Variants in TCEAL4 observed in about 807,000 individuals in gnomAD.
The protein encoded by TCEAL4 is transcription elongation factor A like 4.
A neutral mutation model predicts 1.3 loss-of-function variants in TCEAL4; 1 was observed. The observed-to-expected ratio is 0.79, with a 90% CI of 0.28 to 3.76. The LOEUF (loss-of-function observed/expected upper bound fraction) is 3.76. TCEAL4 is among the 30% of genes most tolerant of loss of function. The pLI is 0.18. For missense variants in TCEAL4, 129 were observed against 154.7 expected (o/e 0.83, Z 0.88); for synonymous variants, 54 against 50.7 (o/e 1.06, Z -0.28).
chrX:103,585,166 T>C (rs1411112044), upstream of TCEAL4, among the ~76,000 whole-genome samples: 2 of 111,996 alleles, frequency 1.8e-5, no homozygotes, highest in Non-Finnish European at 3.8e-5. Flanking sequence ...TTTCATTTAT[T>C]TTGGAAAATT....
upstream of TCEAL4, among the ~76,000 whole-genome samples, chrX:103,585,327 T>TAA (rs201628331): frequency 2.8e-4 from 30 of 105,288 alleles, no homozygotes; most frequent in Non-Finnish European, 3.7e-4. Flanking sequence ...CCCAACTCAT[T>TAA]AAAAAAAAAA....
At chrX:103,577,234 T>C in intron 2 of TCEAL4, 1 of 1,156,129 alleles carries the variant, frequency 8.6e-7, no homozygotes, top group South Asian at 1.9e-5. Flanking sequence ...GGATGCAATA[T>C]GCATATAGAT....
At chrX:103,583,300 G>C (rs749359434), upstream of TCEAL4, among the ~76,000 whole-genome samples, 5 of 112,224 alleles carry the variant, frequency 4.5e-5, no homozygotes, top group African/African-American at 1.6e-4. Flanking sequence ...GTGGAAGACT[G>C]TGGCGATTCC....
upstream of TCEAL4, among the ~76,000 whole-genome samples, chrX:103,584,074 C>T (rs990678702): frequency 9.1e-6 from 1 of 109,655 alleles, no homozygotes; most frequent in Non-Finnish European, 1.9e-5. Context: ...ATTACAGGCG[C>T]CCACCACCAC....
Position 103,577,151 on chromosome X carries a change from A to G in TCEAL4, c.121A>G (p.Lys41Glu), listed in dbSNP as rs776672062. The G allele has an allele frequency of 9.4e-6, 11 of 1,167,359 alleles. No homozygotes were observed. In the South Asian group the frequency reaches 1.7e-4, roughly 18 times the overall value. The change falls in exon 2 of 5, where the codon AAA becomes GAA. Residue 41 changes from lysine to glutamate, a missense_variant. Coordinates refer to the TCEAL4 transcript ENST00000372629. ...CCACATCTGTCAATGCGAAGAATGG[A>G]AAGGTCACATATCATATGTGGAGCG...
At chrX:103,579,074 C>A (rs1018179295) in intron 2 of TCEAL4, among the ~76,000 whole-genome samples, 1 of 112,003 alleles carries the variant, frequency 8.9e-6, no homozygotes, top group Non-Finnish European at 1.9e-5. Context: ...TGTCTCAGCA[C>A]CATTTGTTAA....
upstream of TCEAL4, among the ~76,000 whole-genome samples, chrX:103,584,525 C>A (rs142633340): frequency 7.9e-3 from 889 of 112,069 alleles, 11 homozygotes; most frequent in African/African-American, 0.027. Context: ...CGCACCACCA[C>A]GAAATTGCCT....
chrX:103,585,048 G>A (rs936065525), upstream of TCEAL4, among the ~76,000 whole-genome samples: 1 of 112,766 alleles, frequency 8.9e-6, no homozygotes, highest in Non-Finnish European at 1.9e-5. Context: ...TGTATATTCA[G>A]TTTCTCACTT....
exon 1 of TCEAL4, chrX:103,576,367 G>A: frequency 9.9e-7 from 1 of 1,011,248 alleles, no homozygotes; most frequent in Non-Finnish European, 1.4e-6. Context: ...ATTAAGGTTA[G>A]TATTGCTGCA....
rs751672952 is a variant in TCEAL4, at chrX:103,586,879, G to A, written c.204G>A (p.Glu68=). ...MLKDKGKPES[E]GEAKEGKSER... is the part of the protein sequence containing the mutation. ...AGGATAAAGGAAAGCCAGAGAGTGA[G>A]GGAGAGGCAAAAGAAGGAAAGTCAG... The change falls in exon 3 of 3, where the codon GAG becomes GAA. Residue 68 remains glutamate (E), a synonymous_variant. Transcript: ENST00000472484. 1.6e-5 allele frequency: 19 copies of A among 1,194,412 alleles called. No homozygotes were observed. The highest frequency in any genetic ancestry group is 1.2e-4 in the African/African-American group (7 of 56,398).
chrX:103,586,688 T>C lies in TCEAL4; in HGVS notation c.13T>C (p.Tyr5His), dbSNP rs1268829208. 8.3e-7 allele frequency: 1 copy of C among 1,210,288 alleles called. No individual in the cohort carries two copies. The highest frequency in any genetic ancestry group is 1.7e-5 in the African/African-American group (1 of 57,493). MEKL[Y>H]SENEGMASNQ... is the part of the protein sequence containing the mutation. ...GGGAAATCTCGACATGGAAAAACTC[T>C]ACAGTGAAAATGAAGGAATGGCTTC... The change falls in exon 3 of 3, where the codon TAC becomes CAC. Residue 5 changes from tyrosine (Y) to histidine (H), a missense_variant. Tyr to His is a moderately conservative substitution (Grantham distance 83). This residue lies in a region of TCEAL4 where 116 missense variants were observed against 120.3 expected (regional missense o/e 0.96). Coordinates refer to ENST00000472484, the MANE Select transcript of TCEAL4 (RefSeq NM_001006935.3).
intron 1 of TCEAL4, 132 bp downstream of exon 1, chrX:103,585,756 T>TG (rs1315640188): frequency 8.8e-7 from 1 of 1,142,848 alleles, no homozygotes; most frequent in Non-Finnish European, 1.2e-6. Context: ...TGGACAGAGA[T>TG]GGCGGTGGGA....
At position 103,586,198 on chromosome X, in the gene TCEAL4, CT is replaced by C; in HGVS notation, c.-100-20del. ...CCCGCTGAGCGCGCAGACCCTGCCCCTGTCTCCTGTCTGTCTGCAGGTCTGC... is the reference window on the plus strand; with the variant it reads ...CCCGCTGAGCGCGCAGACCCTGCCCCGTCTCCTGTCTGTCTGCAGGTCTGC... On this transcript the variant is annotated intron_variant, in intron 1 of 2. Transcript: ENST00000472484. 2 of 1,165,724 alleles carry C rather than the reference CT, an allele frequency of 1.7e-6. No homozygotes were observed. The highest frequency in any genetic ancestry group is 1.1e-6 in the Non-Finnish European group (1 of 872,809).
upstream of TCEAL4, among the ~76,000 whole-genome samples, chrX:103,581,759 G>A (rs763364065): frequency 2.7e-5 from 3 of 111,422 alleles, no homozygotes; most frequent in Admixed American, 9.5e-5. Context: ...AATAACATCC[G>A]TATATGACAA....
chrX:103,586,957 A>G lies in TCEAL4; in HGVS notation c.282A>G (p.Pro94=), dbSNP rs1363180871. 5 of 1,207,810 alleles carry G rather than the reference A, an allele frequency of 4.1e-6. No homozygotes were observed. In the East Asian group the frequency reaches 1.2e-4, roughly 29 times the overall value. The part of the protein sequence containing the change: ...MEGGSEREGK[P]EIEGKPESEG... ...GAGGATCAGAGAGAGAGGGAAAACC[A>G]GAGATAGAGGGAAAGCCAGAGAGTG... Residue 94 remains proline, a synonymous_variant, in exon 3 of 3, where the codon CCA becomes CCG. Coordinates refer to ENST00000472484, the MANE Select transcript of TCEAL4 (RefSeq NM_001006935.3).
chrX:103,576,409 A>G, exon 1 of TCEAL4: 1 of 1,162,281 alleles, frequency 8.6e-7, no homozygotes, highest in South Asian at 1.9e-5. Context: ...AATCATTTAT[A>G]TTCAAGAAGA....
intron 2 of TCEAL4, among the ~76,000 whole-genome samples, chrX:103,579,378 G>A (rs1052428972): frequency 1.8e-5 from 2 of 112,383 alleles, no homozygotes; most frequent in Non-Finnish European, 3.8e-5. Flanking sequence ...GATCAATTTT[G>A]GAAATACTAA....
chrX:103,585,354 G>C, upstream of TCEAL4: 1 of 692,704 alleles, frequency 1.4e-6, no homozygotes, highest in Middle Eastern at 6.0e-4. Flanking sequence ...TTTTCATTAA[G>C]ATTCTTTCTT....
intron 2 of TCEAL4, 52 bp downstream of exon 2, chrX:103,586,343 G>T: frequency 8.7e-7 from 1 of 1,150,368 alleles, no homozygotes; most frequent in Non-Finnish European, 1.2e-6. Flanking sequence ...GGTTGAGAGT[G>T]TGGAGGGCCC....
Sources: gnomAD v4.1 joint callset for allele counts (sites outside exome capture counted in the v4.1 genomes callset) on GRCh38, gnomAD v4.1.1 for gene constraint, gnomAD v4.1.1 regional missense constraint, MANE v1.5 for transcripts, NCBI Gene and HGNC (gene_info 2026-07-23, HGNC 2026-07-21) for gene names.